The following ISCA1 variants were observed in gnomAD, a reference collection of about 807,000 sequenced individuals.
The protein encoded by ISCA1 is iron-sulfur cluster assembly 1 homolog, mitochondrial.
In ISCA1, 9 loss-of-function variants were observed where a neutral mutation model predicts 14.7. The observed-to-expected ratio is 0.61, with a 90% CI of 0.37 to 1.07. The LOEUF is 1.07. ISCA1 is among the 50% of genes least tolerant of loss of function. ISCA1 has a pLI of 0.01. For synonymous variants in ISCA1, 38 were observed against 54.3 expected, an observed-to-expected ratio of 0.70 and a Z score of 1.32; for missense variants, 102 against 150.1, an observed-to-expected ratio of 0.68 and a Z score of 1.67.
intron 3 of ISCA1, among the ~76,000 whole-genome samples, chr9:86,269,426 C>T (rs1461876581): frequency 3.3e-5 from 5 of 152,018 alleles, no homozygotes; most frequent in African/African-American, 1.2e-4. Flanking sequence ...AACCACTGCT[C>T]AATGAAATAA....
At position 86,280,582 on chromosome 9, in the gene ISCA1, G is replaced by A. The variant is rs1182238358; in HGVS notation, c.81+1796C>T. 1.6e-4 allele frequency among the ~76,000 whole-genome samples: 18 copies of A among 115,462 alleles called. 1 individual carries two copies. The highest frequency in any genetic ancestry group is 4.9e-4 in the Admixed American group (5 of 10,202). 75.7% of individuals were successfully genotyped at this position (115,462 alleles called of 152,430 possible). On this transcript the variant is annotated intron_variant, in intron 1 of 3. Transcript: ENST00000375991. ...TGCACTCCAGCCTGGGCAACCCAGCGAAACCCTGTCTCAAAAAAAAAAAAA... is the reference window on the plus strand; with the variant it reads ...TGCACTCCAGCCTGGGCAACCCAGCAAAACCCTGTCTCAAAAAAAAAAAAA...
chr9:86,272,531 A>G (rs1238321308), intron 2 of ISCA1, among the ~76,000 whole-genome samples: 1 of 152,222 alleles, frequency 6.6e-6, no homozygotes, highest in Non-Finnish European at 1.5e-5. Context: ...GACTGCAGTC[A>G]ATACAGACAA....
At chr9:86,281,936 T>C (rs1487223115) in intron 1 of ISCA1, 2 of 159,044 alleles carry the variant, frequency 1.3e-5, no homozygotes, top group South Asian at 1.8e-4. Context: ...CAGCGGTCCT[T>C]CGGACAGCCT....
chr9:86,271,332 G>A (rs59614505), intron 3 of ISCA1, among the ~76,000 whole-genome samples: 67,604 of 151,764 alleles, frequency 0.45, 15,229 homozygotes, highest in Middle Eastern at 0.59. Context: ...TTCTCAGACC[G>A]TCTAGGTTTG....
chr9:86,282,007 G>A, intron 1 of ISCA1: 1 of 206,646 alleles, frequency 4.8e-6, no homozygotes, highest in Non-Finnish European at 9.8e-6. Context: ...GGGAACCCCC[G>A]CCACCGGGCA....
intron 2 of ISCA1, among the ~76,000 whole-genome samples, chr9:86,273,001 CA>C (rs1432544665): frequency 1.3e-5 from 2 of 152,154 alleles, no homozygotes; most frequent in Non-Finnish European, 2.9e-5. Context: ...CTGTATACAG[CA>C]AAAGTATCAT....
At chr9:86,272,836 T>C (rs1161985199) in intron 2 of ISCA1, among the ~76,000 whole-genome samples, 1 of 152,342 alleles carries the variant, frequency 6.6e-6, no homozygotes, top group African/African-American at 2.4e-5. Flanking sequence ...TGTAACAATG[T>C]AATGCTACAT....
Position 86,265,780 on chromosome 9 carries a change from G to A in ISCA1, c.*263C>T. ...CAGTTCAGGAAATGGATAAACAGGT[G>A]CCCAGGAAGGCAACTTTAATGAAAC... On this transcript the variant is annotated 3_prime_UTR_variant, in exon 4 of 4. Transcript: ENST00000375991. 1.9e-6 allele frequency: 1 copy of A among 526,372 alleles called. No homozygotes were observed. Among genetic ancestry groups the A allele is most frequent in the Non-Finnish European group, 3.5e-6 (1 of 285,876 alleles). The allele number at this position is 526,372 out of a possible 1,614,324, so 32.6% of individuals were successfully genotyped here. A position where few individuals can be genotyped will look rare whatever the true frequency, so the allele number is the denominator to read the frequency against.
At chr9:86,271,200 C>T (rs1163233209) in intron 3 of ISCA1, among the ~76,000 whole-genome samples, 1 of 152,108 alleles carries the variant, frequency 6.6e-6, no homozygotes, top group African/African-American at 2.4e-5. Context: ...TCAGCACAGT[C>T]ACGTGCAGTA....
intron 3 of ISCA1, among the ~76,000 whole-genome samples, chr9:86,269,294 T>C (rs535864966): frequency 6.6e-6 from 1 of 152,090 alleles, no homozygotes; most frequent in African/African-American, 2.4e-5. Context: ...TATACACCAA[T>C]AACAGACAAA....
chr9:86,282,251 T>G (rs1419200399), intron 1 of ISCA1, 127 bp downstream of exon 1: 1 of 1,040,784 alleles, frequency 9.6e-7, no homozygotes, highest in Non-Finnish European at 1.4e-6. Flanking sequence ...GTGCGGCGGG[T>G]CGGAGCGACG....
intron 1 of ISCA1, among the ~76,000 whole-genome samples, chr9:86,274,744 T>C (rs574786030): frequency 1.6e-4 from 24 of 152,254 alleles, no homozygotes; most frequent in Admixed American, 1.4e-3. Context: ...GAGGAAACAG[T>C]GTTACCAGCA....
In ISCA1 at chr9:86,282,126, G is replaced by A. The variant is rs1825526548; in HGVS notation, c.81+252C>T. 6 of 518,756 alleles carry A rather than the reference G, an allele frequency of 1.2e-5. No homozygotes were observed. In the South Asian group the frequency reaches 1.6e-4, roughly 14 times the overall value. 32.1% of individuals were successfully genotyped at this position (518,756 alleles called of 1,614,324 possible). A position where few individuals can be genotyped will look rare whatever the true frequency, so the allele number is the denominator to read the frequency against. Reference sequence around the variant, plus strand: ...CCCCGGGATCCCCTCCGGCCCGCACGCGGTTGCCGCGCGGCCTGACGGGAA... The same window carrying A: ...CCCCGGGATCCCCTCCGGCCCGCACACGGTTGCCGCGCGGCCTGACGGGAA... On this transcript the variant is annotated intron_variant, in intron 1 of 3. Transcript: ENST00000375991.
chr9:86,271,035 A>G (rs1483117813), intron 3 of ISCA1, among the ~76,000 whole-genome samples: 4 of 151,520 alleles, frequency 2.6e-5, no homozygotes, highest in Non-Finnish European at 5.9e-5. Context: ...TGGCACATGT[A>G]TACATATGTA....
At chr9:86,276,640 G>C (rs183614870) in intron 1 of ISCA1, among the ~76,000 whole-genome samples, 1 of 152,064 alleles carries the variant, frequency 6.6e-6, no homozygotes, top group Non-Finnish European at 1.5e-5. Flanking sequence ...GTCAGCCAAG[G>C]TGGAAGGATC....
intron 1 of ISCA1, 51 bp from the exon 2 acceptor site, chr9:86,274,293 T>A (rs367722052): frequency 4.2e-6 from 5 of 1,185,434 alleles, no homozygotes; most frequent in East Asian, 2.3e-5. Flanking sequence ...ATTCAAAGCC[T>A]CATATTTATC....
chr9:86,280,522 T>G (rs922138059), intron 1 of ISCA1, among the ~76,000 whole-genome samples: 1 of 144,490 alleles, frequency 6.9e-6, no homozygotes, highest in African/African-American at 2.6e-5. Context: ...TTGAACTCAG[T>G]AGGCAGAGGC....
rs1825281217 is a variant in ISCA1 at position 86,265,275 on chromosome 9, G to A, written c.*768C>T. On this transcript the variant is annotated 3_prime_UTR_variant, in exon 4 of 4. Transcript: ENST00000375991. The stretch of plus-strand genomic sequence containing the variant: ...GGGGGTAGAGTCCCTACTCTCCCCC[G>A]GCCTGTGGTGTCAGGGTGGACAGGA... 1.3e-5 allele frequency: 2 copies of A among 152,162 alleles called. 1 individual carries two copies. Among genetic ancestry groups the A allele is most frequent in the South Asian group, 4.1e-4 (2 of 4,826 alleles). The allele number at this position is 152,162 out of a possible 1,614,324, so 9.4% of individuals were successfully genotyped here.
At chr9:86,266,466 A>G (rs369746201) in intron 3 of ISCA1, among the ~76,000 whole-genome samples, 3 of 152,278 alleles carry the variant, frequency 2.0e-5, no homozygotes, top group African/African-American at 4.8e-5. Context: ...ACCTTTCACT[A>G]TACTTCACTC....
Sources: gnomAD v4.1 joint callset for allele counts (sites outside exome capture counted in the v4.1 genomes callset) on GRCh38, gnomAD v4.1.1 for gene constraint, MANE v1.5 for transcripts, NCBI Gene and HGNC (gene_info 2026-07-23, HGNC 2026-07-21) for gene names.